The following CNTN4 variants were observed in gnomAD, a reference collection of about 807,000 sequenced individuals.
CNTN4 encodes contactin-4.
A neutral mutation model predicts 122.5 loss-of-function variants in CNTN4; 77 were observed. The observed-to-expected ratio is 0.63, with a 90% confidence interval of 0.52 to 0.76. CNTN4 has a LOEUF of 0.76. Among genes scored for constraint, CNTN4 ranks in the 30% least tolerant of loss-of-function variants. The pLI is 0.00. For synonymous variants in CNTN4, 512 were observed against 447.0 expected (o/e 1.15, Z -1.83); for missense variants, 1,256 against 1,259.1 (o/e 1.00, Z 0.04).
At position 2,893,742 on chromosome 3, in the gene CNTN4, A is replaced by T. The variant is rs560482219; in HGVS notation, c.940+6518A>T. Among the ~76,000 whole-genome samples, 6 of 152,318 alleles carry T rather than the reference A, an allele frequency of 3.9e-5. 1 individual carries two copies. Among genetic ancestry groups the T allele is most frequent in the Admixed American group, 3.9e-4 (6 of 15,298 alleles). On this transcript the variant is annotated intron_variant, in intron 10 of 24. Coordinates refer to ENST00000418658, the MANE Select transcript of CNTN4 (RefSeq NM_175607.3). ...TCACTCTATAGTCCCAGAGAAGGCA[A>T]AATGTCACAGTTACATTTTTTTATT...
At chr3:2,506,140 G>C (rs1205619391) in intron 3 of CNTN4, among the ~76,000 whole-genome samples, 4 of 152,062 alleles carry the variant, frequency 2.6e-5, no homozygotes, top group African/African-American at 9.7e-5. Context: ...ATCTGCACCG[G>C]ATCTAAGGAG....
At chr3:2,476,510 C>T (rs999482851) in intron 3 of CNTN4, among the ~76,000 whole-genome samples, 1 of 152,170 alleles carries the variant, frequency 6.6e-6, no homozygotes, top group Non-Finnish European at 1.5e-5. Context: ...CAAAGCACTG[C>T]TACCTCTTAC....
intron 4 of CNTN4, among the ~76,000 whole-genome samples, chr3:2,670,881 G>A (rs1451008038): frequency 6.6e-6 from 1 of 152,128 alleles, no homozygotes; most frequent in Non-Finnish European, 1.5e-5. Context: ...ATGAAATTCT[G>A]GTTTGAAAAT....
intron 13 of CNTN4, among the ~76,000 whole-genome samples, 169 bp from the exon 14 acceptor site, chr3:2,988,176 T>G (rs1480714742): frequency 2.0e-5 from 3 of 152,206 alleles, no homozygotes; most frequent in African/African-American, 7.2e-5. Flanking sequence ...CTCAATTATG[T>G]TTATGTATAT....
intron 4 of CNTN4, among the ~76,000 whole-genome samples, chr3:2,609,781 T>C (rs114875297): frequency 0.046 from 6,973 of 152,256 alleles, 524 homozygotes; most frequent in African/African-American, 0.16. Context: ...ATATTTTCCA[T>C]TTTAAAAATT....
At chr3:2,240,939 A>C (rs1463172227) in intron 2 of CNTN4, among the ~76,000 whole-genome samples, 1 of 152,098 alleles carries the variant, frequency 6.6e-6, no homozygotes, top group African/African-American at 2.4e-5. Flanking sequence ...ATAGCTGTTG[A>C]ATATTTGTAG....
intron 13 of CNTN4, among the ~76,000 whole-genome samples, chr3:2,933,892 A>G (rs889183491): frequency 2.2e-4 from 34 of 152,176 alleles, no homozygotes; most frequent in Admixed American, 1.4e-3. Flanking sequence ...GAGAACATCT[A>G]TGGCTCAAAG....
At chr3:2,362,014 A>G (rs1182518497) in intron 3 of CNTN4, among the ~76,000 whole-genome samples, 1 of 152,218 alleles carries the variant, frequency 6.6e-6, no homozygotes, top group Non-Finnish European at 1.5e-5. Flanking sequence ...ATTTAAGTAG[A>G]AAAAAGGAGG....
intron 6 of CNTN4, among the ~76,000 whole-genome samples, chr3:2,803,187 A>T (rs1394155194): frequency 1.3e-5 from 2 of 152,228 alleles, no homozygotes; most frequent in Non-Finnish European, 2.9e-5. Flanking sequence ...ATATATGAAA[A>T]ACCAACTTTA....
At chr3:2,343,898 C>G (rs572912442) in intron 3 of CNTN4, among the ~76,000 whole-genome samples, 1 of 152,160 alleles carries the variant, frequency 6.6e-6, no homozygotes, top group Non-Finnish European at 1.5e-5. Flanking sequence ...TGTGTGGTGA[C>G]AGCCTCAGGA....
chr3:2,704,835 A>G (rs564210622), intron 4 of CNTN4, among the ~76,000 whole-genome samples: 1 of 152,274 alleles, frequency 6.6e-6, no homozygotes, highest in Admixed American at 6.5e-5. Flanking sequence ...TGACAGTTGA[A>G]GTTTAAGTCT....
chr3:2,271,263 C>G (rs1015024207), intron 2 of CNTN4, among the ~76,000 whole-genome samples: 6 of 152,064 alleles, frequency 3.9e-5, no homozygotes, highest in Non-Finnish European at 8.8e-5. Flanking sequence ...GTTATTGTTA[C>G]TAGGAGAGAG....
In CNTN4 at chr3:2,407,049, T is replaced by A. The variant is rs1317250356; in HGVS notation, c.-89+67816T>A. 2.0e-5 allele frequency among the ~76,000 whole-genome samples: 3 copies of A among 152,210 alleles called. No individual in the cohort carries two copies. In the East Asian group the frequency reaches 5.8e-4, roughly 29 times the overall value. The stretch of plus-strand genomic sequence containing the variant: ...TTTTACATGAAGCAGATATTAAAAT[T>A]AAGCATGCAAGATATCTTTCTTCGT... On this transcript the variant is annotated intron_variant, in intron 3 of 24. Coordinates refer to ENST00000418658, the MANE Select transcript of CNTN4 (RefSeq NM_175607.3).
intron 7 of CNTN4, among the ~76,000 whole-genome samples, chr3:2,833,898 G>A (rs1301464084): frequency 6.6e-6 from 1 of 152,114 alleles, no homozygotes; most frequent in Admixed American, 6.5e-5. Context: ...CCAACACTTG[G>A]GGAGGCCAAG....
chr3:2,590,987 G>A (rs990718582), intron 4 of CNTN4, among the ~76,000 whole-genome samples: 6 of 152,038 alleles, frequency 3.9e-5, no homozygotes, highest in African/African-American at 9.7e-5. Flanking sequence ...ATCAATATTC[G>A]AAATAATGCA....
intron 2 of CNTN4, among the ~76,000 whole-genome samples, chr3:2,245,602 G>A (rs989862451): frequency 3.9e-5 from 6 of 151,920 alleles, no homozygotes; most frequent in Non-Finnish European, 5.9e-5. Flanking sequence ...AAATAGTAAC[G>A]TACATTGAGT....
chr3:2,417,142 G>A (rs901442509), intron 3 of CNTN4, among the ~76,000 whole-genome samples: 1 of 152,154 alleles, frequency 6.6e-6, no homozygotes, highest in Non-Finnish European at 1.5e-5. Flanking sequence ...AAGCACATCT[G>A]CTTTTCATTT....
chr3:2,758,100 T>C (rs1162209687), intron 6 of CNTN4, among the ~76,000 whole-genome samples: 1 of 152,204 alleles, frequency 6.6e-6, no homozygotes, highest in East Asian at 1.9e-4. Flanking sequence ...AGATTAATTA[T>C]ATCTTAAAGG....
intron 2 of CNTN4, among the ~76,000 whole-genome samples, chr3:2,120,401 ATATATTTT>A (rs1345646220): frequency 1.9e-4 from 6 of 31,372 alleles, no homozygotes; most frequent in African/African-American, 5.7e-4. Flanking sequence ...ATATATATAT[ATATATTTT>A]TTTTTTTTTT....
Sources: gnomAD v4.1 joint callset for allele counts (sites outside exome capture counted in the v4.1 genomes callset) on GRCh38, gnomAD v4.1.1 for gene constraint, MANE v1.5 for transcripts, NCBI Gene and HGNC (gene_info 2026-07-23, HGNC 2026-07-21) for gene names.